Variants in VCAN observed in about 807,000 individuals in gnomAD.
VCAN encodes versican core protein.
In VCAN, 44 loss-of-function variants were observed where a neutral mutation model predicts 245.5. The observed-to-expected ratio is 0.18, with a 90% CI of 0.14 to 0.23. The LOEUF (loss-of-function observed/expected upper bound fraction) is 0.23, where lower values mean the gene tolerates loss of function less well. Among genes scored for constraint, VCAN ranks in the 10% least tolerant of loss-of-function variants. The probability of loss-of-function intolerance (pLI) is 1.00; values close to 1 mark genes in which losing one functional copy is unlikely to be tolerated. For synonymous variants in VCAN, 1,413 were observed against 1,437.0 expected (o/e 0.98, Z 0.38); for missense variants, 3,793 against 4,057.9 (o/e 0.93, Z 1.77).
chr5:83,580,568 C>A lies in VCAN; in HGVS notation c.*134C>A. Reference sequence around the variant, plus strand: ...CCACCGTTCAGTCATTTTGGGTTGCCGTGCTCCCAAAACATTTTAAATGAA... The same window carrying A: ...CCACCGTTCAGTCATTTTGGGTTGCAGTGCTCCCAAAACATTTTAAATGAA... On this transcript the variant is annotated 3_prime_UTR_variant, in exon 15 of 15. Transcript: ENST00000265077. 7.4e-7 allele frequency: 1 copy of A among 1,344,034 alleles called. No homozygotes were observed. Among genetic ancestry groups the A allele is most frequent in the Non-Finnish European group, 1.0e-6 (1 of 962,650 alleles). The allele number at this position is 1,344,034 out of a possible 1,614,324, so 83.3% of individuals were successfully genotyped here.
chr5:83,537,719 A>C lies in VCAN; in HGVS notation c.4716A>C (p.Glu1572Asp). 6.2e-7 allele frequency: 1 copy of C among 1,613,956 alleles called. No individual in the cohort carries two copies. The highest frequency in any genetic ancestry group is 8.5e-7 in the Non-Finnish European group (1 of 1,179,958). The change falls in exon 8 of 15, where the codon GAA (glutamate) becomes GAC (aspartate). Residue 1572 changes from glutamate to aspartate, a missense_variant. Physicochemically the swap from Glu to Asp is conservative, Grantham distance 45. Around this residue, in one of 5 missense-constraint regions of VCAN, gnomAD observed 3,182 missense variants for 3,250.3 expected, o/e 0.98. Transcript: ENST00000265077. The stretch of plus-strand genomic sequence containing the variant: ...GGGCTACAGAAGTAACATTTGGTGA[A>C]GAGGTAGAAAAAAGTACTTCTGTCA... The part of the protein sequence containing the change: ...FARATEVTFG[E>D]EVEKSTSVTY...
At chr5:83,477,519 G>C (rs1744434293) in intron 1 of VCAN, among the ~76,000 whole-genome samples, 1 of 151,628 alleles carries the variant, frequency 6.6e-6, no homozygotes, top group Admixed American at 6.6e-5. Flanking sequence ...TGAAATGTAG[G>C]GAATAACTTT....
chr5:83,571,104 G>A (rs887993310), intron 12 of VCAN, among the ~76,000 whole-genome samples: 17 of 152,110 alleles, frequency 1.1e-4, no homozygotes, highest in African/African-American at 4.1e-4. Flanking sequence ...TACTAGACAT[G>A]ATAAAGCATG....
chr5:83,474,671 C>T (rs1451251788), intron 1 of VCAN, among the ~76,000 whole-genome samples: 3 of 152,100 alleles, frequency 2.0e-5, no homozygotes, highest in African/African-American at 7.2e-5. Flanking sequence ...CACAGGCGGC[C>T]GGCGCAGCCG....
chr5:83,496,304 A>T (rs1356436301), intron 5 of VCAN, among the ~76,000 whole-genome samples: 1 of 152,228 alleles, frequency 6.6e-6, no homozygotes, highest in Middle Eastern at 3.2e-3. Context: ...CTTCTAAAGA[A>T]GCCAGTTTGT....
intron 5 of VCAN, among the ~76,000 whole-genome samples, chr5:83,498,451 C>G (rs1035169173): frequency 3.3e-5 from 5 of 152,132 alleles, no homozygotes; most frequent in Non-Finnish European, 5.9e-5. Context: ...CCATTAATGC[C>G]TCCCTACTCA....
chr5:83,472,793 T>C (rs1221527329), intron 1 of VCAN, among the ~76,000 whole-genome samples: 1 of 152,176 alleles, frequency 6.6e-6, no homozygotes, highest in Non-Finnish European at 1.5e-5. Flanking sequence ...GGTGGGGTTG[T>C]TGGAGCCCCG....
chr5:83,563,044 G>A (rs951163900), intron 12 of VCAN, among the ~76,000 whole-genome samples: 9 of 152,186 alleles, frequency 5.9e-5, no homozygotes, highest in African/African-American at 1.9e-4. Context: ...GAGACCCCAA[G>A]TTAGTTTTTC....
intron 6 of VCAN, among the ~76,000 whole-genome samples, chr5:83,513,504 C>T (rs1417258066): frequency 1.3e-5 from 2 of 152,126 alleles, no homozygotes; most frequent in Non-Finnish European, 2.9e-5. Context: ...GGTTTGTTTT[C>T]ACACTTTTAT....
chr5:83,494,023 G>T, intron 5 of VCAN, 92 bp downstream of exon 5: 2 of 1,597,572 alleles, frequency 1.3e-6, no homozygotes, highest in Non-Finnish European at 1.7e-6. Flanking sequence ...CTTCGTGCTT[G>T]TTTGGATTCC....
At position 83,580,761 on chromosome 5, in the gene VCAN, G is replaced by A. The variant is rs753034471; in HGVS notation, c.*327G>A. ...ATTTAAAATGCTCAATTTCAGCACC[G>A]ATGGCCATGTAAATAAGATGATTTA... On this transcript the variant is annotated 3_prime_UTR_variant, in exon 15 of 15. Transcript: ENST00000265077. The A allele has an allele frequency of 8.5e-6, 3 of 352,192 alleles. No individual in the cohort carries two copies. Among genetic ancestry groups the A allele is most frequent in the Admixed American group, 7.9e-5 (2 of 25,374 alleles). 21.8% of individuals were successfully genotyped at this position (352,192 alleles called of 1,614,324 possible).
chr5:83,499,914 A>G (rs979125934), intron 5 of VCAN, among the ~76,000 whole-genome samples: 1 of 152,182 alleles, frequency 6.6e-6, no homozygotes, highest in Non-Finnish European at 1.5e-5. Flanking sequence ...GCTCCTTTAG[A>G]TATGAAAATC....
At chr5:83,524,934 A>C (rs1249488540) in intron 7 of VCAN, among the ~76,000 whole-genome samples, 1 of 152,114 alleles carries the variant, frequency 6.6e-6, no homozygotes, top group Non-Finnish European at 1.5e-5. Context: ...ACAGGAATAG[A>C]ATACACCTTT....
chr5:83,481,036 T>G (rs959297411), intron 1 of VCAN, among the ~76,000 whole-genome samples: 47 of 152,110 alleles, frequency 3.1e-4, no homozygotes, highest in Non-Finnish European at 4.4e-5. Flanking sequence ...TTTAGAGAGA[T>G]ATAGTATTTT....
intron 14 of VCAN, 58 bp from the exon 15 acceptor site, chr5:83,580,249 G>A (rs1748620251): frequency 6.2e-7 from 1 of 1,613,658 alleles, no homozygotes; most frequent in Admixed American, 1.7e-5. Context: ...CGGCAGTTTA[G>A]GGTATGGAGC....
Position 83,539,033 on chromosome 5 carries a change from C to T in VCAN, c.6030C>T (p.Gly2010=), listed in dbSNP as rs888035247. The T allele has an allele frequency of 6.2e-7, 1 of 1,614,016 alleles. No homozygotes were observed. Among genetic ancestry groups the T allele is most frequent in the Non-Finnish European group, 8.5e-7 (1 of 1,179,948 alleles). The change falls in exon 8 of 15, where the codon GGC becomes GGT. Residue 2010 remains glycine, a synonymous_variant. Coordinates refer to ENST00000265077, the MANE Select transcript of VCAN (RefSeq NM_004385.5). ...PWEEFTSSAE[G]SGEQLVTVSS... ...AAGAGTTTACATCCTCAGCTGAGGG[C>T]TCAGGTGAGCAACTGGTCACAGTCA...
chr5:83,484,811 G>T (rs563214723), intron 2 of VCAN, among the ~76,000 whole-genome samples: 8 of 152,250 alleles, frequency 5.3e-5, no homozygotes, highest in Middle Eastern at 3.4e-3. Context: ...GCTTGAGTTG[G>T]GGGAAGTTGA....
intron 12 of VCAN, among the ~76,000 whole-genome samples, chr5:83,568,245 T>C (rs1748158621): frequency 6.6e-6 from 1 of 152,186 alleles, no homozygotes; most frequent in African/African-American, 2.4e-5. Context: ...CTAAGTCAGT[T>C]TGGCAATAAC....
At chr5:83,525,692 G>T (rs995305544) in intron 7 of VCAN, among the ~76,000 whole-genome samples, 5 of 151,978 alleles carry the variant, frequency 3.3e-5, no homozygotes, top group Admixed American at 3.3e-4. Flanking sequence ...TTTGTAATTT[G>T]TATCTACCCA....
Sources: allele counts gnomAD v4.1 joint callset (sites outside exome capture counted in the v4.1 genomes callset), GRCh38; gene constraint gnomAD v4.1.1; regional missense constraint gnomAD v4.1.1; transcripts MANE v1.5; gene names NCBI Gene and HGNC (gene_info 2026-07-23, HGNC 2026-07-21).